CLASP1: variants seen among roughly 807,000 people sequenced by gnomAD.
CLASP1 encodes CLIP-associating protein 1.
Under a neutral mutation model 192.3 loss-of-function variants are expected in CLASP1, and 38 were observed. The ratio of observed to expected loss-of-function variants is 0.20; its 90% CI spans 0.15 to 0.26. The LOEUF (loss-of-function observed/expected upper bound fraction) is 0.26, where lower values mean the gene tolerates loss of function less well. CLASP1 is among the 10% of genes least tolerant of loss of function. The probability of loss-of-function intolerance (pLI) is 1.00; values close to 1 mark genes in which losing one functional copy is unlikely to be tolerated. For missense variants in CLASP1, 1,433 were observed against 1,932.5 expected (o/e 0.74, Z 4.85); for synonymous variants, 691 against 712.8 (o/e 0.97, Z 0.49).
intron 8 of CLASP1, among the ~76,000 whole-genome samples, chr2:121,478,983 C>CCACACCCCACA (rs1559370175): frequency 9.8e-5 from 4 of 40,788 alleles, no homozygotes; most frequent in African/African-American, 6.0e-4. Context: ...CACACACACA[C>CCACACCCCACA]CACACACCCC....
intron 8 of CLASP1, among the ~76,000 whole-genome samples, chr2:121,492,953 A>G (rs1342518528): frequency 6.6e-6 from 1 of 152,228 alleles, no homozygotes; most frequent in African/African-American, 2.4e-5. Context: ...GCACAGTTGC[A>G]GCTATCTGTG....
At chr2:121,384,169 TACACACAC>T (rs35612382) in intron 32 of CLASP1, among the ~76,000 whole-genome samples, 3 of 142,420 alleles carry the variant, frequency 2.1e-5, no homozygotes, top group African/African-American at 7.9e-5. Flanking sequence ...TATATATATA[TACACACAC>T]ACACACACAC....
At chr2:121,483,102 G>C (rs1295107957) in intron 8 of CLASP1, among the ~76,000 whole-genome samples, 2 of 152,158 alleles carry the variant, frequency 1.3e-5, no homozygotes, top group African/African-American at 2.4e-5. Flanking sequence ...TCCTCTTCTA[G>C]ATACCAAAGC....
rs1430598442 is a variant in CLASP1, at chr2:121,505,431, A to C, written c.645-2197T>G. 5 of 152,222 alleles carry C rather than the reference A, an allele frequency of 3.3e-5. 1 individual carries two copies. Among genetic ancestry groups the C allele is most frequent in the Admixed American group, 1.3e-4 (2 of 15,280 alleles). The allele number at this position is 152,222 out of a possible 1,614,324, so 9.4% of individuals were successfully genotyped here. ...CCCTCCGCTTTTACTCTCCTGCCTC[A>C]CTAGCTCCCTCATTCTCTGCTCATT... On this transcript the variant is annotated intron_variant, in intron 7 of 39. Coordinates refer to ENST00000263710, the Ensembl canonical transcript of CLASP1.
chr2:121,593,626 C>CAA lies in CLASP1; in HGVS notation c.195+12073_195+12074dup, dbSNP rs61315745. ...AAGAGAAAAGAGAAAAACTCCGTCT[C>CAA]AAAAAAAAAAAAAAAAAAAGGAAAC... On this transcript the variant is annotated intron_variant, in intron 2 of 39. Transcript: ENST00000263710. Among the ~76,000 whole-genome samples, 16 of 50,718 alleles carry CAA rather than the reference C, an allele frequency of 3.2e-4. 1 individual carries two copies. Among genetic ancestry groups the CAA allele is most frequent in the African/African-American group, 8.5e-4 (12 of 14,112 alleles). The allele number at this position is 50,718 out of a possible 152,430, so 33.3% of individuals were successfully genotyped here. A position where few individuals can be genotyped will look rare whatever the true frequency, so the allele number is the denominator to read the frequency against.
intron 19 of CLASP1, among the ~76,000 whole-genome samples, chr2:121,441,416 A>C (rs1240030396): frequency 1.3e-5 from 2 of 152,122 alleles, no homozygotes; most frequent in Admixed American, 6.5e-5. Flanking sequence ...TGCTACCTAC[A>C]ACTATTCTCC....
chr2:121,632,965 G>A (rs1189565960), intron 1 of CLASP1, among the ~76,000 whole-genome samples: 1 of 137,840 alleles, frequency 7.3e-6, no homozygotes, highest in Non-Finnish European at 1.5e-5. Context: ...AACAGAGGGA[G>A]GTGTGTGTGT....
chr2:121,501,013 T>C (rs2093735283), intron 8 of CLASP1, among the ~76,000 whole-genome samples: 1 of 152,204 alleles, frequency 6.6e-6, no homozygotes, highest in Admixed American at 6.5e-5. Context: ...CCACACAGTT[T>C]TGGCATTCCT....
chr2:121,599,863 G>A (rs2063594259), intron 2 of CLASP1, among the ~76,000 whole-genome samples: 1 of 146,984 alleles, frequency 6.8e-6, no homozygotes, highest in South Asian at 2.1e-4. Flanking sequence ...AGGTAACGGT[G>A]AGCCAAGATC....
At chr2:121,421,251 T>C (rs559958259) in intron 22 of CLASP1, among the ~76,000 whole-genome samples, 29 of 152,296 alleles carry the variant, frequency 1.9e-4, no homozygotes, top group Non-Finnish European at 2.8e-4. Context: ...ATAAGTATAT[T>C]TATTTATTTA....
At chr2:121,481,099 T>C in intron 8 of CLASP1, among the ~76,000 whole-genome samples, 1 of 152,194 alleles carries the variant, frequency 6.6e-6, no homozygotes, top group Non-Finnish European at 1.5e-5. Flanking sequence ...ATCTCTGTAC[T>C]ATATCAAAGG....
intron 1 of CLASP1, among the ~76,000 whole-genome samples, chr2:121,623,388 G>A (rs781274589): frequency 4.6e-5 from 7 of 152,190 alleles, no homozygotes; most frequent in Non-Finnish European, 7.4e-5. Context: ...ATTCCCACTC[G>A]GTCACAGTAC....
chr2:121,504,305 A>G lies in CLASP1; in HGVS notation c.645-1071T>C, dbSNP rs530914812. Among the ~76,000 whole-genome samples, 3 of 152,276 alleles carry G rather than the reference A, an allele frequency of 2.0e-5. No homozygotes were observed. The South Asian group carries it at 6.2e-4, about 32-fold the overall frequency. On this transcript the variant is annotated intron_variant, in intron 7 of 39. Transcript: ENST00000263710. ...GAGTAAGTGTTGAGATTCCAAAGCA[A>G]TGTATCTGTGCATTCAATTTTAGGG...
At chr2:121,378,434 C>A (rs1270272710) in intron 33 of CLASP1, among the ~76,000 whole-genome samples, 4 of 152,102 alleles carry the variant, frequency 2.6e-5, no homozygotes, top group Non-Finnish European at 5.9e-5. Context: ...CACAGCAAAA[C>A]ATGAAATGAA....
At chr2:121,387,794 T>C (rs2073585485) in exon 31 of CLASP1, 2 of 1,613,854 alleles carry the variant, frequency 1.2e-6, no homozygotes, top group South Asian at 2.2e-5. Context: ...CTTGAGGTGG[T>C]TGTGCAGGAG....
At chr2:121,418,081 C>T (rs1204601395) in intron 23 of CLASP1, among the ~76,000 whole-genome samples, 2 of 152,130 alleles carry the variant, frequency 1.3e-5, no homozygotes, top group African/African-American at 4.8e-5. Context: ...TTTTGGGGAT[C>T]GACAGTTTAT....
At chr2:121,647,126 G>A (rs1451594488) in intron 1 of CLASP1, among the ~76,000 whole-genome samples, 3 of 151,832 alleles carry the variant, frequency 2.0e-5, no homozygotes, top group Non-Finnish European at 4.4e-5. Flanking sequence ...CCAGCACTTC[G>A]GAAGGCCAAG....
chr2:121,484,220 T>C (rs2092816694), intron 8 of CLASP1, among the ~76,000 whole-genome samples: 1 of 152,220 alleles, frequency 6.6e-6, no homozygotes, highest in Non-Finnish European at 1.5e-5. Flanking sequence ...ACTTTGATCA[T>C]ATGCTCATTT....
chr2:121,433,941 AT>A (rs71398030), intron 19 of CLASP1, among the ~76,000 whole-genome samples: 1 of 150,818 alleles, frequency 6.6e-6, no homozygotes, highest in Non-Finnish European at 1.5e-5. Context: ...TTTTATTATT[AT>A]TTTTTTTTGC....
Sources: allele counts gnomAD v4.1 joint callset (sites outside exome capture counted in the v4.1 genomes callset), GRCh38; gene constraint gnomAD v4.1.1; transcripts MANE v1.5; gene names NCBI Gene and HGNC (gene_info 2026-07-23, HGNC 2026-07-21).